MYT1L: variants seen among roughly 807,000 people sequenced by gnomAD.
The protein encoded by MYT1L is myelin transcription factor 1-like protein.
Under a neutral mutation model 126.7 loss-of-function variants are expected in MYT1L, and 12 were observed. The observed-to-expected ratio is 0.09, with a 90% CI of 0.06 to 0.15. The LOEUF is 0.15. Among genes scored for constraint, MYT1L ranks in the 10% least tolerant of loss-of-function variants. The pLI is 1.00. For synonymous variants in MYT1L, 541 were observed against 604.2 expected (o/e 0.90, Z 1.53); for missense variants, 979 against 1,585.2 (o/e 0.62, Z 6.49).
chr2:2,099,883 G>A (rs574796213), intron 3 of MYT1L, among the ~76,000 whole-genome samples: 1 of 152,304 alleles, frequency 6.6e-6, no homozygotes, highest in Non-Finnish European at 1.5e-5. Context: ...ACTCTGAGTG[G>A]GGAGGCTTGC....
intron 2 of MYT1L, among the ~76,000 whole-genome samples, chr2:2,212,306 A>G (rs1257653875): frequency 6.6e-6 from 1 of 151,436 alleles, no homozygotes; most frequent in Non-Finnish European, 1.5e-5. Context: ...ATAATAAAGG[A>G]GCAGGCGAAA....
At chr2:2,246,143 G>A (rs1253708484) in intron 2 of MYT1L, among the ~76,000 whole-genome samples, 1 of 152,134 alleles carries the variant, frequency 6.6e-6, no homozygotes, top group Admixed American at 6.5e-5. Flanking sequence ...CTCCACCTGA[G>A]GCACCTGGTA....
intron 18 of MYT1L, among the ~76,000 whole-genome samples, chr2:1,865,172 G>A (rs1255197789): frequency 6.6e-6 from 1 of 152,202 alleles, no homozygotes; most frequent in Non-Finnish European, 1.5e-5. Flanking sequence ...GAGCTGGGCT[G>A]GGGGCTGGTG....
chr2:1,969,729 C>A (rs533965599), intron 8 of MYT1L, among the ~76,000 whole-genome samples: 42 of 152,312 alleles, frequency 2.8e-4, no homozygotes, highest in African/African-American at 1.0e-3. Context: ...TCCAGAAAGG[C>A]CTTCCTGCAG....
chr2:2,007,184 C>T (rs2149727499), intron 4 of MYT1L, among the ~76,000 whole-genome samples: 1 of 152,140 alleles, frequency 6.6e-6, no homozygotes, highest in African/African-American at 2.4e-5. Context: ...ATTTTGTCTC[C>T]TTTGGAATTT....
At chr2:2,303,859 A>G (rs939236775) in intron 1 of MYT1L, 1 of 152,228 alleles carries the variant, frequency 6.6e-6, no homozygotes, top group Non-Finnish European at 1.5e-5. Context: ...TCAAGGAAGA[A>G]TCTTCCCCGA....
rs1027930402 is a variant in MYT1L at position 1,852,269 on chromosome 2, G to A, written c.2712-566C>T. ...GGGAATGCAGGCCGACTGTCTTTCC[G>A]ATGACCACTGTGCACTCAGGCAGGT... On this transcript the variant is annotated intron_variant, in intron 18 of 24. Transcript: ENST00000647738. This position sits in a 1 kb window ranked among gnomAD's most constrained non-coding sequence, Gnocchi z 4.0. 2.0e-5 allele frequency among the ~76,000 whole-genome samples: 3 copies of A among 152,082 alleles called. No homozygotes were observed. Among genetic ancestry groups the A allele is most frequent in the Non-Finnish European group, 2.9e-5 (2 of 68,024 alleles).
intron 3 of MYT1L, among the ~76,000 whole-genome samples, chr2:2,167,542 A>G (rs908572794): frequency 2.6e-5 from 4 of 152,090 alleles, no homozygotes; most frequent in Non-Finnish European, 4.4e-5. Context: ...AAACTCACCC[A>G]TGGTCTCTCA....
chr2:2,121,485 T>C (rs115711424), intron 3 of MYT1L, among the ~76,000 whole-genome samples: 1 of 148,222 alleles, frequency 6.7e-6, no homozygotes, highest in African/African-American at 2.5e-5. Flanking sequence ...TCTTTCTTTG[T>C]TGCTTTTTGT....
At chr2:2,241,439 G>A (rs2094439003) in intron 2 of MYT1L, among the ~76,000 whole-genome samples, 1 of 152,164 alleles carries the variant, frequency 6.6e-6, no homozygotes, top group South Asian at 2.1e-4. Context: ...CTCCGGCACT[G>A]CTCTGAGCTG....
At chr2:1,795,443 GCCT>G (rs778106403) in intron 23 of MYT1L, 3 of 152,646 alleles carry the variant, frequency 2.0e-5, no homozygotes, top group Admixed American at 6.5e-5. Flanking sequence ...CATACGCCAG[GCCT>G]CCTCCGAGGA....
At chr2:2,229,878 G>A (rs188242515) in intron 2 of MYT1L, among the ~76,000 whole-genome samples, 39 of 152,072 alleles carry the variant, frequency 2.6e-4, no homozygotes, top group East Asian at 5.8e-4. Flanking sequence ...CCTCTCCACC[G>A]AAACAGAAAA....
chr2:2,088,395 C>G (rs2076570763), intron 3 of MYT1L, among the ~76,000 whole-genome samples: 1 of 152,196 alleles, frequency 6.6e-6, no homozygotes, highest in African/African-American at 2.4e-5. Context: ...AGACAGTGTT[C>G]TATGAGGTGT....
At chr2:2,247,291 C>G (rs924116622) in intron 2 of MYT1L, among the ~76,000 whole-genome samples, 1 of 152,014 alleles carries the variant, frequency 6.6e-6, no homozygotes, top group East Asian at 1.9e-4. Flanking sequence ...CAAAAAAGAT[C>G]ATTATGTAAT....
rs1371895710 is a variant in MYT1L, at chr2:1,848,340, A to G, written c.2774+3301T>C. 1.6e-5 allele frequency among the ~76,000 whole-genome samples: 1 copy of G among 63,822 alleles called. No homozygotes were observed. Among genetic ancestry groups the G allele is most frequent in the Non-Finnish European group, 3.0e-5 (1 of 33,848 alleles). The allele number at this position is 63,822 out of a possible 152,430, so 41.9% of individuals were successfully genotyped here. A position where few individuals can be genotyped will look rare whatever the true frequency, so the allele number is the denominator to read the frequency against. ...GGAGGAAGAATTCCAGACACCACGG[A>G]AGCGCGAGGCGTTTGTCCTGGGAGC... On this transcript the variant is annotated intron_variant, in intron 19 of 24. Transcript: ENST00000647738. This position sits in a 1 kb window ranked among gnomAD's most constrained non-coding sequence, Gnocchi z 4.8.
chr2:1,794,243 C>T (rs999766046), intron 23 of MYT1L, among the ~76,000 whole-genome samples: 1 of 152,220 alleles, frequency 6.6e-6, no homozygotes, highest in South Asian at 2.1e-4. Context: ...CTCAGGGAAC[C>T]CTGCAGAGGC....
At chr2:2,132,927 C>T (rs2082569812) in intron 3 of MYT1L, among the ~76,000 whole-genome samples, 1 of 152,140 alleles carries the variant, frequency 6.6e-6, no homozygotes, top group Non-Finnish European at 1.5e-5. Flanking sequence ...AAGCAGTCCC[C>T]TGTCCTGTCC....
chr2:1,865,080 G>C (rs917704994), intron 18 of MYT1L, among the ~76,000 whole-genome samples: 3 of 152,202 alleles, frequency 2.0e-5, no homozygotes, highest in Non-Finnish European at 4.4e-5. Flanking sequence ...CGGGGGAAGG[G>C]CGCCCGTGTG....
chr2:2,144,476 AAATCCAT>A (rs1325921216), intron 3 of MYT1L, among the ~76,000 whole-genome samples: 1 of 152,246 alleles, frequency 6.6e-6, no homozygotes, highest in Non-Finnish European at 1.5e-5. Context: ...TTGTATAATC[AAATCCAT>A]AGTCTGTGCA....
Sources: allele counts gnomAD v4.1 joint callset (sites outside exome capture counted in the v4.1 genomes callset), GRCh38; gene constraint gnomAD v4.1.1; non-coding constraint Gnocchi (gnomAD v3.1); transcripts MANE v1.5; gene names NCBI Gene and HGNC (gene_info 2026-07-23, HGNC 2026-07-21).